Variants in HABP2 observed in about 807,000 individuals in gnomAD.
HABP2 encodes the protein hyaluronan binding protein 2, also known as factor VII-activating protease.
Under a neutral mutation model 66.5 loss-of-function variants are expected in HABP2, and 65 were observed. The ratio of observed to expected loss-of-function variants is 0.98; its 90% CI spans 0.80 to 1.20. HABP2 has a LOEUF of 1.20. Ranked by LOEUF, HABP2 falls within the 50% of genes most tolerant of loss-of-function variation. HABP2 has a pLI of 0.00. For synonymous variants in HABP2, 263 were observed against 253.9 expected, an observed-to-expected ratio of 1.04 and a Z score of -0.34; for missense variants, 786 against 691.0, an observed-to-expected ratio of 1.14 and a Z score of -1.54.
Position 113,581,919 on chromosome 10 carries a change from G to A in HABP2, c.882G>A (p.Lys294=). The A allele has an allele frequency of 6.2e-7, 1 of 1,614,154 alleles. No individual in the cohort carries two copies. Among genetic ancestry groups the A allele is most frequent in the Non-Finnish European group, 8.5e-7 (1 of 1,179,964 alleles). Residue 294 remains lysine (K), a synonymous_variant, in exon 9 of 13, where the codon AAG becomes AAA. Transcript: ENST00000351270. ...AAAGCCCCACTGAGCCATCAACCAA[G>A]CTTCCGGGGTTTGACTCCTGTGGAA... The part of the protein sequence containing the change: ...PEESPTEPST[K]LPGFDSCGKT...
In HABP2 at chr10:113,584,201, G is replaced by T. The variant is rs140841380; in HGVS notation, c.1291G>T (p.Val431Leu). The T allele has an allele frequency of 6.8e-6, 11 of 1,613,096 alleles. No individual in the cohort carries two copies. Among genetic ancestry groups the T allele is most frequent in the Non-Finnish European group, 8.5e-6 (10 of 1,179,184 alleles). Residue 431 changes from valine to leucine, a missense_variant, in exon 11 of 13, where the codon GTG (valine) becomes TTG (leucine). Val to Leu is a conservative substitution (Grantham distance 32). Coordinates refer to ENST00000351270, the MANE Select transcript of HABP2 (RefSeq NM_004132.5). Reference protein sequence around the residue: ...DGHCALESKYVKTVCLPDGSF... With the variant: ...DGHCALESKYLKTVCLPDGSF... ...TCACTGTGCTCTAGAATCCAAATAC[G>T]TGAAGACTGTGTGCTTGCCTGATGG...
Position 113,578,745 on chromosome 10 carries a change from C to T in HABP2, c.687C>T (p.Asn229=), listed in dbSNP as rs2133774697. Reference sequence around the variant, plus strand: ...ACCTCCTCTTGCAGGAGAATTACAACATGTTTATGGAGGATGCTGAAACCC... The same window carrying T: ...ACCTCCTCTTGCAGGAGAATTACAATATGTTTATGGAGGATGCTGAAACCC... ...NSHLLLQENY[N]MFMEDAETHG... The change falls in exon 7 of 13, where the codon AAC becomes AAT. Residue 229 remains asparagine, a synonymous_variant. Coordinates refer to ENST00000351270, the MANE Select transcript of HABP2 (RefSeq NM_004132.5). The T allele has an allele frequency of 2.5e-6, 4 of 1,611,950 alleles. No homozygotes were observed. In the East Asian group the frequency reaches 8.9e-5, roughly 36 times the overall value.
chr10:113,552,547 C>T (rs1844916790), upstream of HABP2, among the ~76,000 whole-genome samples: 1 of 152,076 alleles, frequency 6.6e-6, no homozygotes, highest in South Asian at 2.1e-4. Context: ...CTTTTGAAGC[C>T]AACAAGCAAC....
In HABP2 at chr10:113,582,120, C is replaced by T. The variant is rs111801289; in HGVS notation, c.1083C>T (p.Ala361=). The T allele has an allele frequency of 4.1e-5, 66 of 1,605,526 alleles. No homozygotes were observed. The Middle Eastern group carries it at 1.3e-3, about 32-fold the overall frequency. Residue 361 remains alanine (A), a synonymous_variant, in exon 9 of 13, where the codon GCC becomes GCT. Transcript: ENST00000351270. ...LIHPCWVLTA[A]HCTDIKTRHL... is the part of the protein sequence containing the mutation. The stretch of plus-strand genomic sequence containing the variant: ...ACCCCTGCTGGGTGCTCACTGCTGC[C>T]CACTGCACCGAGTAGGTGCCGCTGG...
Position 113,585,948 on chromosome 10 carries a change from T to G in HABP2, c.1518+10T>G, listed in dbSNP as rs531586294. On this transcript the variant is annotated intron_variant, in intron 12 of 12. Coordinates refer to ENST00000351270, the MANE Select transcript of HABP2 (RefSeq NM_004132.5). ...GCAAGACACCTGCCAGGTCAGAGAC[T>G]CCAAGTGGTGCTTGTGGTAGGAGAG... is the stretch of plus-strand genomic sequence containing the variant. 1.2e-6 allele frequency: 2 copies of G among 1,612,506 alleles called. No individual in the cohort carries two copies. Among genetic ancestry groups the G allele is most frequent in the Admixed American group, 1.7e-5 (1 of 60,016 alleles).
At chr10:113,587,448 T>C (rs935693445) in intron 12 of HABP2, among the ~76,000 whole-genome samples, 1 of 152,260 alleles carries the variant, frequency 6.6e-6, no homozygotes, top group Non-Finnish European at 1.5e-5. Context: ...TGTATGGCTT[T>C]TATCAGTGAT....
At chr10:113,580,720 A>G (rs1421672850) in intron 8 of HABP2, 28 bp downstream of exon 8, 1 of 1,167,218 alleles carries the variant, frequency 8.6e-7, no homozygotes, top group Non-Finnish European at 1.3e-6. Context: ...TCAGAAGCCC[A>G]GGGGGTGGGG....
intron 2 of HABP2, among the ~76,000 whole-genome samples, chr10:113,570,896 A>C (rs1592690705): frequency 6.6e-6 from 1 of 152,298 alleles, no homozygotes; most frequent in East Asian, 1.9e-4. Flanking sequence ...CCTTTTAAGA[A>C]ACTAACTATC....
intron 6 of HABP2, 52 bp from the exon 7 acceptor site, chr10:113,578,575 A>C: frequency 7.6e-7 from 1 of 1,319,748 alleles, no homozygotes; most frequent in Non-Finnish European, 1.1e-6. Context: ...CCTTTTTGGG[A>C]GTGGCATGCC....
At chr10:113,562,826 A>G (rs1364182494) in intron 1 of HABP2, among the ~76,000 whole-genome samples, 4 of 152,200 alleles carry the variant, frequency 2.6e-5, no homozygotes, top group Non-Finnish European at 5.9e-5. Context: ...TCTCAAGGTT[A>G]ATGAGCTTTT....
chr10:113,559,375 A>G (rs1565096259), intron 1 of HABP2, among the ~76,000 whole-genome samples: 2 of 152,232 alleles, frequency 1.3e-5, no homozygotes, highest in Admixed American at 1.3e-4. Flanking sequence ...CTGAGCAGCC[A>G]AAGTTCCTTG....
rs534648638 is a variant in HABP2 at position 113,567,436 on chromosome 10, G to A, written c.70-53G>A. The stretch of plus-strand genomic sequence containing the variant: ...CCTCTGGCTGACAGCTAAGGAGCAC[G>A]CCCGGCAGAGCTCCATCTCAACGCT... On this transcript the variant is annotated intron_variant, in intron 1 of 12. Coordinates refer to ENST00000351270, the MANE Select transcript of HABP2 (RefSeq NM_004132.5). The A allele has an allele frequency of 5.6e-6, 8 of 1,418,842 alleles. No individual in the cohort carries two copies. In the East Asian group the frequency reaches 6.8e-5, roughly 12 times the overall value. The allele number at this position is 1,418,842 out of a possible 1,614,324, so 87.9% of individuals were successfully genotyped here. A position where few individuals can be genotyped will look rare whatever the true frequency, so the allele number is the denominator to read the frequency against.
intron 12 of HABP2, among the ~76,000 whole-genome samples, chr10:113,587,913 G>A (rs987893583): frequency 2.0e-5 from 3 of 151,980 alleles, no homozygotes; most frequent in Admixed American, 1.3e-4. Context: ...GAGGGCCCCC[G>A]AGAACTCACA....
rs886046747 is a variant in HABP2, at chr10:113,589,134, C to T, written c.*765C>T. On this transcript the variant is annotated 3_prime_UTR_variant, in exon 13 of 13. Coordinates refer to ENST00000351270, the MANE Select transcript of HABP2 (RefSeq NM_004132.5). ...AATGAAGCTCCCCCACCCCCACTCC[C>T]GGCCCCGGTTCCCACAGGACACGCT... is the stretch of plus-strand genomic sequence containing the variant. 183 of 1,460,568 alleles carry T rather than the reference C, an allele frequency of 1.3e-4. No individual in the cohort carries two copies. Among genetic ancestry groups the T allele is most frequent in the Middle Eastern group, 1.1e-3 (5 of 4,632 alleles). The allele number at this position is 1,460,568 out of a possible 1,614,324, so 90.5% of individuals were successfully genotyped here.
upstream of HABP2, among the ~76,000 whole-genome samples, chr10:113,551,566 G>A (rs1001814337): frequency 1.3e-5 from 2 of 152,274 alleles, no homozygotes; most frequent in Admixed American, 6.5e-5. Flanking sequence ...AGCACTTTGG[G>A]AGCCTGAGGC....
At position 113,589,013 on chromosome 10, in the gene HABP2, T is replaced by A; in HGVS notation, c.*644T>A. 6.2e-7 allele frequency: 1 copy of A among 1,614,020 alleles called. No individual in the cohort carries two copies. Among genetic ancestry groups the A allele is most frequent in the Non-Finnish European group, 8.5e-7 (1 of 1,179,994 alleles). ...GCCTTCTTCTTTTTGACGTGCAGAATCTCAGTGGCATCTGGGTTCACCTCC... is the reference window on the plus strand; with the variant it reads ...GCCTTCTTCTTTTTGACGTGCAGAAACTCAGTGGCATCTGGGTTCACCTCC... On this transcript the variant is annotated 3_prime_UTR_variant, in exon 13 of 13. Transcript: ENST00000351270.
intron 2 of HABP2, among the ~76,000 whole-genome samples, chr10:113,570,380 T>C (rs11575724): frequency 2.6e-5 from 4 of 152,240 alleles, no homozygotes; most frequent in Non-Finnish European, 4.4e-5. Context: ...TTCTTCCTGA[T>C]AATTTCTAGA....
Position 113,566,669 on chromosome 10 carries a change from C to T in HABP2, c.70-820C>T, listed in dbSNP as rs962907922. Among the ~76,000 whole-genome samples the T allele has an allele frequency of 7.9e-5, 12 of 152,216 alleles. No individual in the cohort carries two copies. In the South Asian group the frequency reaches 1.7e-3, roughly 21 times the overall value. ...CAGTAAGGATTATGGAGGGAATAAG[C>T]GGGTGCAGTGACAAAACAGTGGGGA... On this transcript the variant is annotated intron_variant, in intron 1 of 12. Transcript: ENST00000351270.
chr10:113,569,936 C>A (rs1845273641), intron 2 of HABP2: 1 of 152,284 alleles, frequency 6.6e-6, no homozygotes, highest in African/African-American at 2.4e-5. Context: ...GCTCCTTAAC[C>A]AGAGCAGCTG....
Sources: gnomAD v4.1 joint callset for allele counts (sites outside exome capture counted in the v4.1 genomes callset) on GRCh38, gnomAD v4.1.1 for gene constraint, MANE v1.5 for transcripts, NCBI Gene and HGNC (gene_info 2026-07-23, HGNC 2026-07-21) for gene names.